The following XKR4 variants were observed in gnomAD, a reference collection of about 807,000 sequenced individuals.
The protein encoded by XKR4 is XK related 4, also known as XK-related protein 4.
In XKR4, 12 loss-of-function variants were observed where a neutral mutation model predicts 53.9. The observed-to-expected ratio is 0.22, with a 90% CI of 0.14 to 0.36. The LOEUF is 0.36. XKR4 is among the 10% of genes least tolerant of loss of function. The pLI is 1.00. For missense variants in XKR4, 799 were observed against 859.5 expected (o/e 0.93, Z 0.88); for synonymous variants, 354 against 362.4 (o/e 0.98, Z 0.26).
chr8:55,180,068 T>G (rs1817286395), intron 1 of XKR4, among the ~76,000 whole-genome samples: 1 of 152,234 alleles, frequency 6.6e-6, no homozygotes, highest in African/African-American at 2.4e-5. Context: ...TATATCTTGA[T>G]GTCAACACAT....
chr8:55,431,327 A>G (rs566972009), intron 2 of XKR4, among the ~76,000 whole-genome samples: 20 of 152,314 alleles, frequency 1.3e-4, no homozygotes, highest in Admixed American at 1.2e-3. Flanking sequence ...AATTCCCAAA[A>G]CATCATTAGG....
intron 1 of XKR4, among the ~76,000 whole-genome samples, chr8:55,204,664 G>A (rs1817619188): frequency 6.6e-6 from 1 of 152,188 alleles, no homozygotes; most frequent in South Asian, 2.1e-4. Context: ...GATACAGAGA[G>A]TAGAGAAAGA....
chr8:55,283,685 A>T (rs935714002), intron 1 of XKR4, among the ~76,000 whole-genome samples: 1 of 152,214 alleles, frequency 6.6e-6, no homozygotes, highest in Admixed American at 6.5e-5. Context: ...AAACTCCAAT[A>T]AAATTATAAT....
intron 2 of XKR4, chr8:55,452,143 G>A (rs998710948): frequency 7.1e-6 from 5 of 702,036 alleles, no homozygotes; most frequent in East Asian, 2.7e-5. Flanking sequence ...GGTGTGTACC[G>A]CAGCTTATGC....
rs934314363 is a variant in XKR4, at chr8:55,524,373, G to A, written c.*146G>A. The stretch of plus-strand genomic sequence containing the variant: ...ATCACCATTATCATTTGATCCTGTC[G>A]GCTGGGGGCGGCTGGTCTCCTTCCA... On this transcript the variant is annotated 3_prime_UTR_variant, in exon 3 of 3. Transcript: ENST00000327381. The A allele has an allele frequency of 3.8e-6, 3 of 787,478 alleles. No individual in the cohort carries two copies. Among genetic ancestry groups the A allele is most frequent in the East Asian group, 5.4e-5 (2 of 37,022 alleles). The allele number at this position is 787,478 out of a possible 1,614,324, so 48.8% of individuals were successfully genotyped here.
At chr8:55,414,511 T>C (rs778417210) in intron 2 of XKR4, among the ~76,000 whole-genome samples, 16 of 149,264 alleles carry the variant, frequency 1.1e-4, no homozygotes, top group Non-Finnish European at 1.9e-4. Context: ...ATATAATATA[T>C]GTAAGATATA....
chr8:55,137,512 GAATAACTTATAACCC>G (rs1816647744), intron 1 of XKR4, among the ~76,000 whole-genome samples: 1 of 150,420 alleles, frequency 6.6e-6, no homozygotes, highest in Non-Finnish European at 1.5e-5. Context: ...TTAATAATCT[GAATAACTTATAACCC>G]AAAGCTAAAA....
intron 2 of XKR4, among the ~76,000 whole-genome samples, chr8:55,412,345 C>T (rs983946812): frequency 3.9e-5 from 6 of 152,172 alleles, no homozygotes; most frequent in African/African-American, 1.4e-4. Flanking sequence ...AGTTGTGATT[C>T]TATTAGCCAT....
intron 1 of XKR4, among the ~76,000 whole-genome samples, chr8:55,262,908 C>T (rs184096888): frequency 6.6e-6 from 1 of 152,258 alleles, no homozygotes. Flanking sequence ...GTCCACGGGG[C>T]AAGAGCATAA....
intron 1 of XKR4, among the ~76,000 whole-genome samples, chr8:55,343,403 G>A (rs944881371): frequency 2.6e-5 from 4 of 152,186 alleles, no homozygotes; most frequent in African/African-American, 9.7e-5. Context: ...CCACAGGCAT[G>A]GGCAGGCTGT....
At chr8:55,382,549 A>G (rs1804251354) in intron 2 of XKR4, among the ~76,000 whole-genome samples, 1 of 152,182 alleles carries the variant, frequency 6.6e-6, no homozygotes, top group Non-Finnish European at 1.5e-5. Flanking sequence ...GGAAGGAGAA[A>G]GGGAGGGTAT....
At chr8:55,333,500 A>T (rs1459806230) in intron 1 of XKR4, among the ~76,000 whole-genome samples, 1 of 152,114 alleles carries the variant, frequency 6.6e-6, no homozygotes, top group South Asian at 2.1e-4. Flanking sequence ...GGCTGCTTTT[A>T]AAAATCTTAA....
intron 1 of XKR4, among the ~76,000 whole-genome samples, chr8:55,125,536 G>A (rs1432511897): frequency 1.3e-5 from 2 of 152,142 alleles, no homozygotes; most frequent in East Asian, 3.9e-4. Flanking sequence ...GCCCAGCCTT[G>A]GTTTTTTATT....
At chr8:55,204,003 C>T (rs7009876) in intron 1 of XKR4, among the ~76,000 whole-genome samples, 81,498 of 151,834 alleles carry the variant, frequency 0.54, 22,104 homozygotes, top group Middle Eastern at 0.75. Context: ...GTTTGTTTTG[C>T]TTTTTGTTTT....
chr8:55,496,150 T>G (rs1231151664), intron 2 of XKR4, among the ~76,000 whole-genome samples: 4 of 152,172 alleles, frequency 2.6e-5, no homozygotes, highest in African/African-American at 4.8e-5. Flanking sequence ...GTAATAGTAA[T>G]GAGGGCAATA....
chr8:55,349,637 G>A (rs991810203), intron 1 of XKR4, among the ~76,000 whole-genome samples: 3 of 152,228 alleles, frequency 2.0e-5, no homozygotes, highest in South Asian at 4.1e-4. Context: ...TGACGTTCAG[G>A]CAAATCACAG....
chr8:55,482,754 A>G (rs1806131134), intron 2 of XKR4, among the ~76,000 whole-genome samples: 1 of 152,170 alleles, frequency 6.6e-6, no homozygotes, highest in African/African-American at 2.4e-5. Flanking sequence ...AATTGTTTGC[A>G]TGAAATTTGC....
intron 1 of XKR4, among the ~76,000 whole-genome samples, chr8:55,256,053 T>A (rs1818435750): frequency 6.6e-6 from 1 of 151,648 alleles, no homozygotes; most frequent in Non-Finnish European, 1.5e-5. Context: ...AGGGGTTGTA[T>A]CTAGGCAGAG....
chr8:55,189,770 TC>T (rs1817421624), intron 1 of XKR4, among the ~76,000 whole-genome samples: 1 of 152,236 alleles, frequency 6.6e-6, no homozygotes, highest in East Asian at 1.9e-4. Flanking sequence ...TGTTTCCTGT[TC>T]TTTATAAAGT....
Sources: gnomAD v4.1 joint callset for allele counts (sites outside exome capture counted in the v4.1 genomes callset) on GRCh38, gnomAD v4.1.1 for gene constraint, MANE v1.5 for transcripts, NCBI Gene and HGNC (gene_info 2026-07-23, HGNC 2026-07-21) for gene names.